Variants in ADK observed in about 807,000 individuals in gnomAD.
ADK encodes the protein adenosine kinase.
Under a neutral mutation model 44.7 loss-of-function variants are expected in ADK, and 24 were observed. The observed-to-expected ratio is 0.54, with a 90% confidence interval of 0.39 to 0.76. The LOEUF is 0.76. Ranked by LOEUF, ADK falls within the 30% of genes least tolerant of loss-of-function variation. ADK has a pLI of 0.00. For synonymous variants in ADK, 128 were observed against 142.6 expected (o/e 0.90, Z 0.73); for missense variants, 321 against 425.1 (o/e 0.76, Z 2.15).
intron 2 of ADK, among the ~76,000 whole-genome samples, chr10:74,216,025 T>G (rs1591869163): frequency 2.0e-5 from 3 of 152,210 alleles, no homozygotes; most frequent in Non-Finnish European, 4.4e-5. Flanking sequence ...TTTATAAAAA[T>G]ACATAAACAG....
At chr10:74,353,951 T>A (rs1299356421) in intron 4 of ADK, among the ~76,000 whole-genome samples, 5 of 152,236 alleles carry the variant, frequency 3.3e-5, no homozygotes, top group Non-Finnish European at 7.3e-5. Flanking sequence ...TTACAGAAAG[T>A]CATAGATTAG....
At chr10:74,167,560 C>A (rs1842063989) in intron 1 of ADK, among the ~76,000 whole-genome samples, 1 of 152,148 alleles carries the variant, frequency 6.6e-6, no homozygotes, top group African/African-American at 2.4e-5. Flanking sequence ...AACTGGGCTT[C>A]TCTTAGTGTA....
intron 6 of ADK, among the ~76,000 whole-genome samples, chr10:74,446,880 T>C (rs1012633434): frequency 6.6e-6 from 1 of 152,134 alleles, no homozygotes; most frequent in Non-Finnish European, 1.5e-5. Context: ...TTCTCATTCA[T>C]TGATTTTCAC....
At chr10:74,427,408 C>T (rs549307323) in intron 6 of ADK, among the ~76,000 whole-genome samples, 4 of 152,102 alleles carry the variant, frequency 2.6e-5, no homozygotes, top group Non-Finnish European at 5.9e-5. Flanking sequence ...CCGTGTTAGC[C>T]AGGATGGTCT....
At chr10:74,617,061 T>A (rs1382361038) in intron 9 of ADK, among the ~76,000 whole-genome samples, 1 of 152,216 alleles carries the variant, frequency 6.6e-6, no homozygotes, top group Non-Finnish European at 1.5e-5. Flanking sequence ...TTAACTGCAA[T>A]AACATATCAG....
intron 6 of ADK, among the ~76,000 whole-genome samples, chr10:74,465,406 A>G (rs1204199199): frequency 6.6e-6 from 1 of 152,210 alleles, no homozygotes; most frequent in African/African-American, 2.4e-5. Context: ...GTCATTATAA[A>G]GACTTTGTTG....
At chr10:74,528,994 ATCT>A (rs1849173246) in intron 7 of ADK, among the ~76,000 whole-genome samples, 1 of 152,190 alleles carries the variant, frequency 6.6e-6, no homozygotes, top group Non-Finnish European at 1.5e-5. Context: ...TTACCATATG[ATCT>A]AGCAGTTCTA....
chr10:74,304,788 A>G (rs1044999562), intron 3 of ADK, among the ~76,000 whole-genome samples: 1 of 152,232 alleles, frequency 6.6e-6, no homozygotes, highest in African/African-American at 2.4e-5. Context: ...TGTCCATTCA[A>G]CCATTCATTC....
At chr10:74,524,590 G>T (rs1254463560) in intron 6 of ADK, among the ~76,000 whole-genome samples, 2 of 152,052 alleles carry the variant, frequency 1.3e-5, no homozygotes, top group Non-Finnish European at 2.9e-5. Flanking sequence ...ACAGAGTTCC[G>T]CCATGTTGCC....
At chr10:74,221,229 GACAA>G (rs1357305294) in intron 2 of ADK, among the ~76,000 whole-genome samples, 10 of 151,720 alleles carry the variant, frequency 6.6e-5, no homozygotes, top group African/African-American at 1.9e-4. Context: ...ACCAATAACA[GACAA>G]ACAGAGAGCC....
chr10:74,225,901 G>A (rs1844515754), intron 3 of ADK, among the ~76,000 whole-genome samples: 1 of 152,074 alleles, frequency 6.6e-6, no homozygotes, highest in African/African-American at 2.4e-5. Context: ...TTTGCTTTGG[G>A]AATTAAGTAG....
chr10:74,613,841 T>C (rs904116160), intron 9 of ADK, among the ~76,000 whole-genome samples: 1 of 152,112 alleles, frequency 6.6e-6, no homozygotes, highest in African/African-American at 2.4e-5. Flanking sequence ...ATTTTGAAAA[T>C]GTCTCTACTA....
chr10:74,623,831 A>G (rs1158207180), intron 9 of ADK, among the ~76,000 whole-genome samples: 1 of 152,108 alleles, frequency 6.6e-6, no homozygotes, highest in Non-Finnish European at 1.5e-5. Context: ...AAAATGTAAT[A>G]CAAATAGATA....
chr10:74,185,708 C>T (rs900965013), intron 1 of ADK, among the ~76,000 whole-genome samples: 11 of 150,698 alleles, frequency 7.3e-5, no homozygotes, highest in Non-Finnish European at 1.5e-4. Flanking sequence ...TGGTAGCGGG[C>T]GCCTGTAGTC....
At chr10:74,512,283 T>A (rs1848362967) in intron 6 of ADK, among the ~76,000 whole-genome samples, 1 of 152,148 alleles carries the variant, frequency 6.6e-6, no homozygotes. Context: ...TATCTGTTTT[T>A]GGTATCACGG....
intron 3 of ADK, among the ~76,000 whole-genome samples, chr10:74,230,095 T>C (rs951348253): frequency 4.0e-5 from 6 of 150,264 alleles, no homozygotes; most frequent in African/African-American, 7.4e-5. Context: ...TGGATATCTG[T>C]AAAGCTAATA....
At chr10:74,619,662 GA>G (rs886467224) in intron 9 of ADK, among the ~76,000 whole-genome samples, 29 of 152,016 alleles carry the variant, frequency 1.9e-4, no homozygotes, top group African/African-American at 6.3e-4. Context: ...GGTTTTTAAA[GA>G]TTTTTTTTAA....
intron 1 of ADK, among the ~76,000 whole-genome samples, chr10:74,162,020 A>AT (rs901098914): frequency 1.3e-5 from 2 of 151,338 alleles, no homozygotes; most frequent in Admixed American, 6.6e-5. Context: ...CCCTTTAAAG[A>AT]TTTTTTTGTT....
Position 74,207,192 on chromosome 10 carries a change from C to T in ADK, c.140+6354C>T, listed in dbSNP as rs1045898636. ...AAGTGGCTTCCACTGTAGGAACCCA[C>T]GTCTGGACGAGGATAATATGGTGGT... On this transcript the variant is annotated intron_variant, in intron 2 of 10. Transcript: ENST00000539909. 4.6e-5 allele frequency among the ~76,000 whole-genome samples: 7 copies of T among 152,146 alleles called. 1 individual carries two copies. Among genetic ancestry groups the T allele is most frequent in the South Asian group, 4.1e-4 (2 of 4,832 alleles).
Sources: gnomAD v4.1 joint callset for allele counts (sites outside exome capture counted in the v4.1 genomes callset) on GRCh38, gnomAD v4.1.1 for gene constraint, MANE v1.5 for transcripts, NCBI Gene and HGNC (gene_info 2026-07-23, HGNC 2026-07-21) for gene names.